Variants in RAD50 observed in about 807,000 individuals in gnomAD.
RAD50 encodes DNA repair protein RAD50.
In RAD50, 132 loss-of-function variants were observed where a neutral mutation model predicts 168.8. The ratio of observed to expected loss-of-function variants is 0.78; its 90% CI spans 0.68 to 0.90. The LOEUF (loss-of-function observed/expected upper bound fraction) is 0.90. RAD50 is among the 40% of genes least tolerant of loss of function. The pLI, the probability that RAD50 is intolerant of heterozygous loss-of-function variation, is 0.00. For missense variants in RAD50, 1,347 were observed against 1,534.4 expected, an observed-to-expected ratio of 0.88 and a Z score of 2.04; for synonymous variants, 525 against 497.4, an observed-to-expected ratio of 1.06 and a Z score of -0.74.
At chr5:132,577,977 G>A (rs1478354927) in intron 3 of RAD50, among the ~76,000 whole-genome samples, 1 of 151,858 alleles carries the variant, frequency 6.6e-6, no homozygotes, top group African/African-American at 2.4e-5. Context: ...ACCATGCCTG[G>A]CTAATTTTTG....
rs587781327 is a variant in RAD50, at chr5:132,589,652, ACT to A, written c.1270_1271del (p.Leu424GlufsTer7). 1.1e-5 allele frequency: 18 copies of A among 1,595,270 alleles called. No homozygotes were observed. The highest frequency in any genetic ancestry group is 2.2e-5 in the East Asian group (1 of 44,704). On this transcript the variant is annotated frameshift_variant, in exon 9 of 25. Coordinates refer to ENST00000378823, the MANE Select transcript of RAD50 (RefSeq NM_005732.4). LOFTEE classifies it high-confidence loss of function. The part of the protein sequence containing the change: ...QLMNDFAEKE[T>X]LKQKQIDEIR... ...TTAGAATGACTTTGCAGAAAAAGAG[ACT>A]CTGAAACAAAAACAGATAGATGAGA... is the stretch of plus-strand genomic sequence containing the variant.
At chr5:132,568,867 A>T (rs1750254460) in intron 2 of RAD50, among the ~76,000 whole-genome samples, 1 of 152,226 alleles carries the variant, frequency 6.6e-6, no homozygotes, top group African/African-American at 2.4e-5. Context: ...AAATGTCGAA[A>T]ATGATTGTAA....
intron 15 of RAD50, 147 bp from the exon 16 acceptor site, chr5:132,604,659 G>C: frequency 1.0e-5 from 7 of 694,142 alleles, no homozygotes; most frequent in Non-Finnish European, 1.5e-5. Flanking sequence ...GAACTAGCAG[G>C]GTTCTCATTG....
At chr5:132,609,054 G>A (rs1039490794) in intron 17 of RAD50, 63 bp from the exon 18 acceptor site, 1 of 1,588,700 alleles carries the variant, frequency 6.3e-7, no homozygotes, top group Non-Finnish European at 8.5e-7. Flanking sequence ...GTGTTTTACT[G>A]TGCTCTCCTG....
At chr5:132,584,896 G>T (rs183107704) in intron 5 of RAD50, among the ~76,000 whole-genome samples, 24 of 140,890 alleles carry the variant, frequency 1.7e-4, no homozygotes, top group Middle Eastern at 3.7e-3. Context: ...ATTGAACAAT[G>T]AGAACACTTG....
rs781213977 is a variant in RAD50 at position 132,595,695 on chromosome 5, A to G, written c.2092A>G (p.Ile698Val). 3.7e-6 allele frequency: 6 copies of G among 1,613,906 alleles called. No homozygotes were observed. Among genetic ancestry groups the G allele is most frequent in the Non-Finnish European group, 4.2e-6 (5 of 1,179,836 alleles). Residue 698 changes from isoleucine (I) to valine (V), a missense_variant, in exon 13 of 25, where the codon ATC (isoleucine) becomes GTC (valine). Coordinates refer to ENST00000378823, the MANE Select transcript of RAD50 (RefSeq NM_005732.4). ...FQTEAELQEV[I>V]SDLQSKLRLA... The stretch of plus-strand genomic sequence containing the variant: ...GACAGAGGCTGAGTTACAAGAAGTC[A>G]TCAGTGATTTGCAGTCTAAACTGCG...
intron 1 of RAD50, among the ~76,000 whole-genome samples, chr5:132,558,787 C>T (rs1396751214): frequency 6.7e-6 from 1 of 149,822 alleles, no homozygotes. Context: ...TAATCCGAGC[C>T]GTTTGGGAGG....
In RAD50 at chr5:132,642,514, A is replaced by T. The variant is rs1317080723; in HGVS notation, c.*150A>T. On this transcript the variant is annotated 3_prime_UTR_variant, in exon 25 of 25. Transcript: ENST00000378823. ...GATTTTGGATGTTGAGAGGTTCTAA[A>T]ATCATGAAACTTGTTTCACTGAAAA... 7.8e-6 allele frequency: 6 copies of T among 770,710 alleles called. No individual in the cohort carries two copies. In the Admixed American group the frequency reaches 1.7e-4, roughly 22 times the overall value. 47.7% of individuals were successfully genotyped at this position (770,710 alleles called of 1,614,324 possible). A position where few individuals can be genotyped will look rare whatever the true frequency, so the allele number is the denominator to read the frequency against.
At chr5:132,576,024 A>G in intron 3 of RAD50, 96 bp downstream of exon 3, 1 of 1,265,138 alleles carries the variant, frequency 7.9e-7, no homozygotes. Context: ...AGGGGAGCAT[A>G]TTAAATTTTT....
chr5:132,575,959 T>C, intron 3 of RAD50, 31 bp downstream of exon 3: 1 of 1,567,528 alleles, frequency 6.4e-7, no homozygotes, highest in Non-Finnish European at 8.7e-7. Context: ...TGAATTTCTG[T>C]TCATTTTCAG....
In RAD50 at chr5:132,644,638, CTT is replaced by C. The variant is rs1240137641; in HGVS notation, c.*2276_*2277del. On this transcript the variant is annotated 3_prime_UTR_variant, in exon 25 of 25. Coordinates refer to ENST00000378823, the MANE Select transcript of RAD50 (RefSeq NM_005732.4). Reference sequence around the variant, plus strand: ...TTCATTTCACTCTTGTTGCAGTTATCTTTCATTCCCAGCTTGGTCACTCCCTC... The same window carrying C: ...TTCATTTCACTCTTGTTGCAGTTATCTCATTCCCAGCTTGGTCACTCCCTC... 1 of 178,234 alleles carries C rather than the reference CTT, an allele frequency of 5.6e-6. No homozygotes were observed. Among genetic ancestry groups the C allele is most frequent in the African/African-American group, 2.4e-5 (1 of 42,320 alleles). The allele number at this position is 178,234 out of a possible 1,614,324, so 11.0% of individuals were successfully genotyped here. A position where few individuals can be genotyped will look rare whatever the true frequency, so the allele number is the denominator to read the frequency against.
At chr5:132,616,559 C>T (rs1031670677) in intron 20 of RAD50, among the ~76,000 whole-genome samples, 4 of 152,240 alleles carry the variant, frequency 2.6e-5, no homozygotes, top group East Asian at 3.9e-4. Context: ...ATTATGTGTC[C>T]ACCAGAGCAT....
In RAD50 at chr5:132,587,711, G is replaced by A. The variant is rs746706768; in HGVS notation, c.885+21G>A. ...AAAAGGTTTGTGGTGGTAGAATTTT[G>A]TTCTGCTTCAAAATTTTGGGATTAT... On this transcript the variant is annotated intron_variant, in intron 6 of 24. Coordinates refer to ENST00000378823, the MANE Select transcript of RAD50 (RefSeq NM_005732.4). The A allele has an allele frequency of 3.1e-6, 5 of 1,613,272 alleles. No individual in the cohort carries two copies. The South Asian group carries it at 4.4e-5, about 14-fold the overall frequency.
chr5:132,617,315 A>T (rs1231385029), intron 20 of RAD50, among the ~76,000 whole-genome samples: 1 of 152,252 alleles, frequency 6.6e-6, no homozygotes, highest in African/African-American at 2.4e-5. Flanking sequence ...CACATTACTA[A>T]GTACAACTAT....
chr5:132,623,919 A>T (rs1315100834), intron 21 of RAD50, among the ~76,000 whole-genome samples: 2 of 152,236 alleles, frequency 1.3e-5, no homozygotes, highest in African/African-American at 4.8e-5. Context: ...GTGGTCCCAG[A>T]ATTGCCTAGG....
In RAD50 at chr5:132,604,907, C is replaced by A. The variant is rs1060501939; in HGVS notation, c.2626C>A (p.Gln876Lys). ...AAATGAGCTAAAATCTGAGAAACTT[C>A]AGATATCCACTAATTTGCAACGTCG... ...TTNELKSEKLQISTNLQRRQQ... is the reference protein window; with the variant it reads ...TTNELKSEKLKISTNLQRRQQ... Residue 876 changes from glutamine to lysine, a missense_variant, in exon 16 of 25, where the codon CAG becomes AAG. Coordinates refer to ENST00000378823, the MANE Select transcript of RAD50 (RefSeq NM_005732.4). 4 of 1,613,690 alleles carry A rather than the reference C, an allele frequency of 2.5e-6. No individual in the cohort carries two copies. The African/African-American group carries it at 5.3e-5, about 22-fold the overall frequency.
At chr5:132,622,894 A>G (rs1751308271) in intron 21 of RAD50, among the ~76,000 whole-genome samples, 1 of 152,216 alleles carries the variant, frequency 6.6e-6, no homozygotes, top group Non-Finnish European at 1.5e-5. Context: ...CAGAGAAAAC[A>G]TTGGCCTGCA....
rs975587306 is a variant in RAD50, at chr5:132,616,998, G to A, written c.3164+868G>A. Among the ~76,000 whole-genome samples, 4 of 152,220 alleles carry A rather than the reference G, an allele frequency of 2.6e-5. No individual in the cohort carries two copies. The East Asian group carries it at 7.7e-4, about 29-fold the overall frequency. Reference sequence around the variant, plus strand: ...ATTTAAAATCTCTTTCCTATATCAGGGAAATCAGATTTTTAACTAGAAGAG... The same window carrying A: ...ATTTAAAATCTCTTTCCTATATCAGAGAAATCAGATTTTTAACTAGAAGAG... On this transcript the variant is annotated intron_variant, in intron 20 of 24. Transcript: ENST00000378823.
rs537927643 is a variant in RAD50 at position 132,578,041 on chromosome 5, T to C, written c.366-1276T>C. Among the ~76,000 whole-genome samples the C allele has an allele frequency of 1.1e-4, 17 of 152,134 alleles. No individual in the cohort carries two copies. The East Asian group carries it at 2.1e-3, about 19-fold the overall frequency. The stretch of plus-strand genomic sequence containing the variant: ...TGTTAGCCAGAATGGTCTTGATCTC[T>C]TGACCTCGTGATCCGCCCACCTCAG... On this transcript the variant is annotated intron_variant, in intron 3 of 24. Transcript: ENST00000378823.
Sources: allele counts gnomAD v4.1 joint callset (sites outside exome capture counted in the v4.1 genomes callset), GRCh38; gene constraint gnomAD v4.1.1; transcripts MANE v1.5; gene names NCBI Gene and HGNC (gene_info 2026-07-23, HGNC 2026-07-21).